The following CBX5 variants were observed in gnomAD, a reference collection of about 807,000 sequenced individuals.
CBX5 encodes the protein chromobox protein homolog 5.
A neutral mutation model predicts 20.7 loss-of-function variants in CBX5; 7 were observed. The ratio of observed to expected loss-of-function variants is 0.34; its 90% CI spans 0.19 to 0.63. The LOEUF (loss-of-function observed/expected upper bound fraction) is 0.63. Ranked by LOEUF, CBX5 falls within the 30% of genes least tolerant of loss-of-function variation. CBX5 has a pLI of 0.75. For synonymous variants in CBX5, 78 were observed against 77.0 expected, an observed-to-expected ratio of 1.01 and a Z score of -0.07; for missense variants, 110 against 224.1, an observed-to-expected ratio of 0.49 and a Z score of 3.25.
At chr12:54,274,811 G>A (rs1298519857) in intron 1 of CBX5, among the ~76,000 whole-genome samples, 1 of 152,088 alleles carries the variant, frequency 6.6e-6, no homozygotes. Context: ...ATGGTGGCAC[G>A]TGCCTGTAGT....
At position 54,257,035 on chromosome 12, in the gene CBX5, T is replaced by C. The variant is rs73114534; in HGVS notation, c.137+479A>G. Among the ~76,000 whole-genome samples, 794 of 152,098 alleles carry C rather than the reference T, an allele frequency of 5.2e-3. 2 individuals carry two copies. Among genetic ancestry groups the C allele is most frequent in the Middle Eastern group, 0.01 (3 of 294 alleles). Reference sequence around the variant, plus strand: ...CCTGCCACCACACTTAATTTTTTTATTTTTAGTAGATGGAGTTTCACCATG... The same window carrying C: ...CCTGCCACCACACTTAATTTTTTTACTTTTAGTAGATGGAGTTTCACCATG... On this transcript the variant is annotated intron_variant, in intron 2 of 4. Coordinates refer to ENST00000209875, the MANE Select transcript of CBX5 (RefSeq NM_012117.3).
chr12:54,273,093 C>A (rs1944025516), intron 1 of CBX5: 1 of 152,174 alleles, frequency 6.6e-6, no homozygotes, highest in South Asian at 2.1e-4. Flanking sequence ...CAAAGAGATT[C>A]TTATCTTAAT....
chr12:54,250,498 A>G (rs374393845), intron 3 of CBX5, among the ~76,000 whole-genome samples: 8 of 152,190 alleles, frequency 5.3e-5, no homozygotes, highest in African/African-American at 1.9e-4. Flanking sequence ...AACAAATGCT[A>G]TCACTGGAAC....
At chr12:54,257,824 A>G in intron 1 of CBX5, 132 bp from the exon 2 acceptor site, 1 of 630,310 alleles carries the variant, frequency 1.6e-6, no homozygotes, top group South Asian at 2.0e-5. Context: ...ATCATTCTAC[A>G]GATGAGTCCT....
At chr12:54,260,767 T>A (rs945558249) in intron 1 of CBX5, among the ~76,000 whole-genome samples, 3 of 152,162 alleles carry the variant, frequency 2.0e-5, no homozygotes, top group Admixed American at 1.3e-4. Flanking sequence ...TACTGTAAGT[T>A]TTCCATTCTT....
chr12:54,233,165 T>C lies in CBX5; in HGVS notation c.*8590A>G, dbSNP rs532696426. On this transcript the variant is annotated 3_prime_UTR_variant, in exon 5 of 5. Coordinates refer to ENST00000209875, the MANE Select transcript of CBX5 (RefSeq NM_012117.3). The stretch of plus-strand genomic sequence containing the variant: ...ACCTCAAGGGTAAGGATACAAATGG[T>C]GACCCCTGCTTTTCTATTCAGGGAG... The C allele has an allele frequency of 6.6e-6, 1 of 152,320 alleles. No homozygotes were observed. Among genetic ancestry groups the C allele is most frequent in the African/African-American group, 2.4e-5 (1 of 41,568 alleles). 9.4% of individuals were successfully genotyped at this position (152,320 alleles called of 1,614,324 possible). A position where few individuals can be genotyped will look rare whatever the true frequency, so the allele number is the denominator to read the frequency against.
At chr12:54,249,430 T>C (rs1943769946) in intron 3 of CBX5, among the ~76,000 whole-genome samples, 1 of 130,706 alleles carries the variant, frequency 7.7e-6, no homozygotes, top group South Asian at 2.2e-4. Flanking sequence ...GCACTGGAGA[T>C]TTTTTTTTTT....
In CBX5 at chr12:54,237,309, A is replaced by G. The variant is rs1281203278; in HGVS notation, c.*4446T>C. 2.0e-5 allele frequency: 3 copies of G among 152,258 alleles called. No individual in the cohort carries two copies. The allele number at this position is 152,258 out of a possible 1,614,324, so 9.4% of individuals were successfully genotyped here. ...CTTGCTGTAAGTGGGAAAAACAAACAAACAAACAAAAAACCCCAGCAAATA... is the reference window on the plus strand; with the variant it reads ...CTTGCTGTAAGTGGGAAAAACAAACGAACAAACAAAAAACCCCAGCAAATA... On this transcript the variant is annotated 3_prime_UTR_variant, in exon 5 of 5. Transcript: ENST00000209875.
intron 1 of CBX5, 73 bp from the exon 2 acceptor site, chr12:54,257,765 G>T: frequency 8.9e-7 from 1 of 1,123,670 alleles, no homozygotes; most frequent in Non-Finnish European, 1.3e-6. Context: ...TTGATGGGAT[G>T]AAAAGGGGAT....
chr12:54,272,241 T>C (rs1315683901), intron 1 of CBX5: 1 of 152,200 alleles, frequency 6.6e-6, no homozygotes, highest in Non-Finnish European at 1.5e-5. Flanking sequence ...TTGAATCCAA[T>C]TTGGTTTCTC....
Position 54,248,145 on chromosome 12 carries a change from G to A in CBX5, c.325-1930C>T, listed in dbSNP as rs113749885. ...GATGTGAGCCATCACACCCGGCTAC[G>A]CCTGGCTAATTTTTTGTATTTTTAG... On this transcript the variant is annotated intron_variant, in intron 3 of 4. Coordinates refer to ENST00000209875, the MANE Select transcript of CBX5 (RefSeq NM_012117.3). Among the ~76,000 whole-genome samples, 337 of 151,698 alleles carry A rather than the reference G, an allele frequency of 2.2e-3. 3 individuals are homozygous for A. Among genetic ancestry groups the A allele is most frequent in the African/African-American group, 7.9e-3 (326 of 41,352 alleles).
Position 54,238,297 on chromosome 12 carries a change from A to C in CBX5, c.*3458T>G, listed in dbSNP as rs1217039301. ...GACTACCTCCAAGAATCATCCACGG[A>C]AGGATGTCAGCCATTTAACCAGGGC... is the stretch of plus-strand genomic sequence containing the variant. On this transcript the variant is annotated 3_prime_UTR_variant, in exon 5 of 5. Coordinates refer to ENST00000209875, the MANE Select transcript of CBX5 (RefSeq NM_012117.3). The C allele has an allele frequency of 1.3e-5, 2 of 152,222 alleles. No homozygotes were observed. The highest frequency in any genetic ancestry group is 6.5e-5 in the Admixed American group (1 of 15,280). 9.4% of individuals were successfully genotyped at this position (152,222 alleles called of 1,614,324 possible).
intron 1 of CBX5, among the ~76,000 whole-genome samples, chr12:54,279,783 C>T (rs1252973787): frequency 6.6e-6 from 1 of 152,180 alleles, no homozygotes; most frequent in African/African-American, 2.4e-5. Context: ...CAAGGCAGAC[C>T]CAATTGGCCT....
intron 1 of CBX5, chr12:54,274,488 T>C (rs1944041184): frequency 6.6e-6 from 1 of 152,072 alleles, no homozygotes; most frequent in Admixed American, 6.6e-5. Flanking sequence ...AAAATCAATA[T>C]CCATAACACA....
intron 1 of CBX5, among the ~76,000 whole-genome samples, chr12:54,267,793 T>C (rs1943970616): frequency 1.3e-5 from 2 of 152,192 alleles, no homozygotes; most frequent in African/African-American, 4.8e-5. Context: ...GTGCTGGGAT[T>C]ACAGGCGTGA....
intron 1 of CBX5, among the ~76,000 whole-genome samples, chr12:54,260,306 C>T (rs189387768): frequency 1.6e-4 from 24 of 152,116 alleles, no homozygotes; most frequent in East Asian, 5.8e-4. Context: ...GCCTGACCAA[C>T]GTGGTGAAAC....
chr12:54,278,907 A>T (rs1261341471), intron 1 of CBX5: 1 of 152,238 alleles, frequency 6.6e-6, no homozygotes, highest in East Asian at 1.9e-4. Context: ...TTCCCGGGAG[A>T]AAGAGACTAA....
rs1308839940 is a variant in CBX5, at chr12:54,233,528, C to T, written c.*8227G>A. The T allele has an allele frequency of 1.3e-5, 2 of 152,212 alleles. No homozygotes were observed. Among genetic ancestry groups the T allele is most frequent in the Non-Finnish European group, 2.9e-5 (2 of 68,052 alleles). The allele number at this position is 152,212 out of a possible 1,614,324, so 9.4% of individuals were successfully genotyped here. ...CTTTTCAGGTGTTCTCAAAGAATTT[C>T]TAGGCAGAAAGCCTCTCCTTTCTTC... is the stretch of plus-strand genomic sequence containing the variant. On this transcript the variant is annotated 3_prime_UTR_variant, in exon 5 of 5. Coordinates refer to ENST00000209875, the MANE Select transcript of CBX5 (RefSeq NM_012117.3).
chr12:54,250,635 C>G (rs1943786710), intron 3 of CBX5, among the ~76,000 whole-genome samples: 2 of 147,410 alleles, frequency 1.4e-5, no homozygotes, highest in African/African-American at 5.0e-5. Flanking sequence ...GAAACCCCGT[C>G]TCTACTAAAA....
Sources: gnomAD v4.1 joint callset for allele counts (sites outside exome capture counted in the v4.1 genomes callset) on GRCh38, gnomAD v4.1.1 for gene constraint, MANE v1.5 for transcripts, NCBI Gene and HGNC (gene_info 2026-07-23, HGNC 2026-07-21) for gene names.